The following TRAPPC9 variants were observed in gnomAD, a reference collection of about 807,000 sequenced individuals.
The protein encoded by TRAPPC9 is IKK2 binding protein.
TRAPPC9 carries 83 observed loss-of-function variants against 124.0 expected under a neutral mutation model. The ratio of observed to expected loss-of-function variants is 0.67; its 90% CI spans 0.56 to 0.80. TRAPPC9 has a LOEUF of 0.80. Ranked by LOEUF, TRAPPC9 falls within the 30% of genes least tolerant of loss-of-function variation. TRAPPC9 has a pLI of 0.00. For missense variants in TRAPPC9, 1,302 were observed against 1,508.3 expected (o/e 0.86, Z 2.27); for synonymous variants, 638 against 617.5 (o/e 1.03, Z -0.49).
chr8:140,391,458 A>C (rs959994724), intron 7 of TRAPPC9, among the ~76,000 whole-genome samples: 2 of 152,230 alleles, frequency 1.3e-5, no homozygotes, highest in Non-Finnish European at 2.9e-5. Flanking sequence ...CACGCCTGTA[A>C]TCCCAGCACT....
chr8:140,269,659 T>G (rs990705455), intron 15 of TRAPPC9, among the ~76,000 whole-genome samples: 1 of 152,234 alleles, frequency 6.6e-6, no homozygotes, highest in Non-Finnish European at 1.5e-5. Context: ...AAATGTTCAT[T>G]ACAGTACCTA....
intron 17 of TRAPPC9, among the ~76,000 whole-genome samples, chr8:140,045,794 C>A (rs1205678007): frequency 6.6e-6 from 1 of 151,896 alleles, no homozygotes. Flanking sequence ...CTCGAGGTGG[C>A]AGAGTCCCAG....
chr8:140,286,762 G>A (rs1185298581), intron 13 of TRAPPC9, among the ~76,000 whole-genome samples: 2 of 152,150 alleles, frequency 1.3e-5, no homozygotes, highest in Non-Finnish European at 2.9e-5. Flanking sequence ...GGGAAGGGCT[G>A]GAGGTGCAGG....
chr8:140,171,732 T>C (rs1249282191), intron 17 of TRAPPC9, among the ~76,000 whole-genome samples: 1 of 152,052 alleles, frequency 6.6e-6, no homozygotes, highest in African/African-American at 2.4e-5. Context: ...AGGAAAAAAT[T>C]GGGAGAACTC....
chr8:139,804,581 A>G (rs1823879398), intron 21 of TRAPPC9, among the ~76,000 whole-genome samples: 1 of 104,722 alleles, frequency 9.5e-6, no homozygotes, highest in Non-Finnish European at 1.9e-5. Context: ...ACCACCCACC[A>G]CCGCCACCAA....
chr8:139,937,320 A>G (rs1214290281), intron 19 of TRAPPC9, among the ~76,000 whole-genome samples: 2 of 152,208 alleles, frequency 1.3e-5, no homozygotes, highest in Non-Finnish European at 1.5e-5. Flanking sequence ...GTGCGGGCCC[A>G]GAGAGGGAGG....
chr8:140,334,388 G>A (rs537212969), intron 9 of TRAPPC9, among the ~76,000 whole-genome samples: 38 of 151,858 alleles, frequency 2.5e-4, no homozygotes, highest in East Asian at 2.3e-3. Flanking sequence ...GGTGGCTCAC[G>A]CCTATAATCC....
chr8:140,392,182 C>A (rs2068945581), intron 7 of TRAPPC9, among the ~76,000 whole-genome samples: 1 of 152,200 alleles, frequency 6.6e-6, no homozygotes, highest in Non-Finnish European at 1.5e-5. Flanking sequence ...ACGGCAAACT[C>A]CTCTCCTCAA....
At chr8:139,791,274 C>T (rs536248549) in intron 21 of TRAPPC9, among the ~76,000 whole-genome samples, 5 of 151,916 alleles carry the variant, frequency 3.3e-5, no homozygotes, top group African/African-American at 7.3e-5. Context: ...CACACACAGG[C>T]GCCCGTCTCC....
At chr8:140,229,509 C>T (rs1414956419) in intron 16 of TRAPPC9, among the ~76,000 whole-genome samples, 1 of 151,790 alleles carries the variant, frequency 6.6e-6, no homozygotes, top group Admixed American at 6.6e-5. Flanking sequence ...ACCTCGTGAT[C>T]CACCCACCTC....
chr8:139,834,759 T>G (rs1393597793), intron 21 of TRAPPC9, among the ~76,000 whole-genome samples: 1 of 152,192 alleles, frequency 6.6e-6, no homozygotes, highest in Non-Finnish European at 1.5e-5. Flanking sequence ...CATGTCCAAG[T>G]TCACGAGAGG....
intron 17 of TRAPPC9, among the ~76,000 whole-genome samples, chr8:140,032,546 T>A (rs1202284615): frequency 6.6e-6 from 1 of 152,202 alleles, no homozygotes; most frequent in African/African-American, 2.4e-5. Flanking sequence ...AGACAGAGCA[T>A]CCTTTATAGA....
intron 18 of TRAPPC9, among the ~76,000 whole-genome samples, chr8:140,015,138 C>A (rs961680045): frequency 6.6e-6 from 1 of 152,124 alleles, no homozygotes; most frequent in Non-Finnish European, 1.5e-5. Context: ...CTATTTGCAC[C>A]AAAATTAGTC....
rs554045278 is a variant in TRAPPC9 at position 140,057,786 on chromosome 8, T to C, written c.2557-33707A>G. On this transcript the variant is annotated intron_variant, in intron 17 of 22. Transcript: ENST00000438773. ...ACATTGTGCCTGTGGTTAGCAATAT[T>C]GTATTGCACTCAAAAAAATTTGTTA... 1.5e-3 allele frequency among the ~76,000 whole-genome samples: 228 copies of C among 152,328 alleles called. 2 individuals are homozygous for C. Among genetic ancestry groups the C allele is most frequent in the African/African-American group, 5.2e-3 (217 of 41,576 alleles).
Position 140,241,675 on chromosome 8 carries a change from C to T in TRAPPC9, c.2431+11102G>A, listed in dbSNP as rs1160617490. ...GTGCTACTGCACTCCAGCCTGGCAA[C>T]AGTCCGAGACTCCATCTCAAAAAAA... is the stretch of plus-strand genomic sequence containing the variant. On this transcript the variant is annotated intron_variant, in intron 16 of 22. Coordinates refer to ENST00000438773, the MANE Select transcript of TRAPPC9 (RefSeq NM_001160372.4). The surrounding 1 kb of genome is among the most constrained non-coding windows in gnomAD (Gnocchi z 5.0). Among the ~76,000 whole-genome samples, 4 of 151,632 alleles carry T rather than the reference C, an allele frequency of 2.6e-5. No homozygotes were observed. Among genetic ancestry groups the T allele is most frequent in the South Asian group, 2.1e-4 (1 of 4,758 alleles).
chr8:140,288,224 T>C (rs970333365), intron 12 of TRAPPC9, among the ~76,000 whole-genome samples: 1 of 152,068 alleles, frequency 6.6e-6, no homozygotes, highest in African/African-American at 2.4e-5. Flanking sequence ...GCACCTGTGG[T>C]CCCAACTACT....
intron 7 of TRAPPC9, among the ~76,000 whole-genome samples, chr8:140,379,216 G>A (rs1032870704): frequency 2.6e-5 from 4 of 152,076 alleles, no homozygotes; most frequent in South Asian, 2.1e-4. Flanking sequence ...GCTGGTGTCC[G>A]AGGCAGGCCT....
chr8:140,323,207 G>A (rs1379675395), intron 9 of TRAPPC9, among the ~76,000 whole-genome samples: 1 of 152,228 alleles, frequency 6.6e-6, no homozygotes, highest in East Asian at 1.9e-4. Flanking sequence ...GGCTCCTGGA[G>A]GGTGGTACAC....
intron 17 of TRAPPC9, among the ~76,000 whole-genome samples, chr8:140,205,878 C>CAT (rs2062905656): frequency 6.6e-6 from 1 of 152,230 alleles, no homozygotes; most frequent in Non-Finnish European, 1.5e-5. Flanking sequence ...GTATTACTGA[C>CAT]ATTACCTAGG....
Sources: gnomAD v4.1 joint callset for allele counts (sites outside exome capture counted in the v4.1 genomes callset) on GRCh38, gnomAD v4.1.1 for gene constraint, Gnocchi (gnomAD v3.1) non-coding constraint, MANE v1.5 for transcripts, NCBI Gene and HGNC (gene_info 2026-07-23, HGNC 2026-07-21) for gene names.